The following CACNA2D3 variants were observed in gnomAD, a reference collection of about 807,000 sequenced individuals.
CACNA2D3 encodes the protein calcium voltage-gated channel auxiliary subunit alpha2delta 3.
A neutral mutation model predicts 160.6 loss-of-function variants in CACNA2D3; 60 were observed. The ratio of observed to expected loss-of-function variants is 0.37; its 90% CI spans 0.30 to 0.46. CACNA2D3 has a LOEUF of 0.46. CACNA2D3 is among the 20% of genes least tolerant of loss of function. The pLI, the probability that CACNA2D3 is intolerant of heterozygous loss-of-function variation, is 1.00. For synonymous variants in CACNA2D3, 558 were observed against 492.9 expected (o/e 1.13, Z -1.75); for missense variants, 1,205 against 1,365.0 (o/e 0.88, Z 1.85).
chr3:54,321,296 G>C (rs2107508489), intron 3 of CACNA2D3, among the ~76,000 whole-genome samples: 1 of 150,902 alleles, frequency 6.6e-6, no homozygotes, highest in East Asian at 2.0e-4. Context: ...CTCCAGCCTG[G>C]GTGACAGCGT....
intron 2 of CACNA2D3, among the ~76,000 whole-genome samples, chr3:54,166,404 T>A (rs1700458860): frequency 6.6e-6 from 1 of 152,208 alleles, no homozygotes; most frequent in African/African-American, 2.4e-5. Flanking sequence ...CTTGAAATCC[T>A]ATGAATAAAG....
intron 2 of CACNA2D3, among the ~76,000 whole-genome samples, chr3:54,281,637 G>A (rs572918949): frequency 9.2e-5 from 14 of 152,280 alleles, no homozygotes; most frequent in South Asian, 4.2e-4. Flanking sequence ...CAGTTGGTGC[G>A]GTTATGTTTT....
chr3:54,705,984 C>T (rs550210), intron 11 of CACNA2D3, among the ~76,000 whole-genome samples: 4 of 152,044 alleles, frequency 2.6e-5, no homozygotes, highest in South Asian at 2.1e-4. Context: ...TGATCTGTTC[C>T]GGCTTCTGTG....
At chr3:54,215,552 C>G (rs1701445498) in intron 2 of CACNA2D3, among the ~76,000 whole-genome samples, 1 of 152,112 alleles carries the variant, frequency 6.6e-6, no homozygotes, top group African/African-American at 2.4e-5. Flanking sequence ...CAAGATCTAG[C>G]TTGTCTTTGT....
intron 27 of CACNA2D3, among the ~76,000 whole-genome samples, chr3:54,960,741 A>G (rs1199896882): frequency 1.3e-5 from 2 of 152,162 alleles, no homozygotes; most frequent in Admixed American, 6.5e-5. Context: ...GTTTTGCCCA[A>G]ATTAGTCCCA....
chr3:54,161,699 CTG>C (rs1700347546), intron 2 of CACNA2D3, among the ~76,000 whole-genome samples: 2 of 152,294 alleles, frequency 1.3e-5, no homozygotes, highest in Admixed American at 1.3e-4. Context: ...CTTCACAAAC[CTG>C]TTCAATATCA....
chr3:54,538,076 G>A (rs1038967631), intron 5 of CACNA2D3, among the ~76,000 whole-genome samples: 4 of 152,086 alleles, frequency 2.6e-5, no homozygotes, highest in Non-Finnish European at 5.9e-5. Context: ...AACTCAGGAG[G>A]TGATCTGGGC....
chr3:54,782,833 C>T (rs1374199476), intron 13 of CACNA2D3, among the ~76,000 whole-genome samples: 2 of 152,140 alleles, frequency 1.3e-5, no homozygotes, highest in Non-Finnish European at 2.9e-5. Context: ...ATTGATGATG[C>T]ACTTCTGAAG....
intron 12 of CACNA2D3, among the ~76,000 whole-genome samples, chr3:54,761,967 A>G (rs903478047): frequency 2.0e-5 from 3 of 152,170 alleles, no homozygotes; most frequent in Non-Finnish European, 4.4e-5. Context: ...AAGAGATTCT[A>G]TAAACTCTGG....
chr3:54,802,303 G>A (rs138996112), intron 13 of CACNA2D3, among the ~76,000 whole-genome samples: 1 of 152,086 alleles, frequency 6.6e-6, no homozygotes, highest in Non-Finnish European at 1.5e-5. Flanking sequence ...GGTAGGGAGG[G>A]GAGAAGATTC....
chr3:54,433,363 A>G (rs1184670396), intron 4 of CACNA2D3, among the ~76,000 whole-genome samples: 1 of 152,236 alleles, frequency 6.6e-6, no homozygotes, highest in African/African-American at 2.4e-5. Context: ...AATATTGAAT[A>G]CATGAATGTA....
intron 2 of CACNA2D3, among the ~76,000 whole-genome samples, chr3:54,319,024 C>G (rs1018647200): frequency 7.9e-5 from 12 of 152,128 alleles, no homozygotes; most frequent in Admixed American, 7.2e-4. Context: ...AGAATTCTCT[C>G]TTTACATTCG....
At chr3:54,519,587 A>T (rs1207774924) in intron 5 of CACNA2D3, among the ~76,000 whole-genome samples, 1 of 152,216 alleles carries the variant, frequency 6.6e-6, no homozygotes. Context: ...CGGCAATGAT[A>T]ATATCTTTTC....
chr3:54,266,626 C>G lies in CACNA2D3; in HGVS notation c.205-53816C>G, dbSNP rs1375347643. On this transcript the variant is annotated intron_variant, in intron 2 of 37. Coordinates refer to ENST00000474759, the MANE Select transcript of CACNA2D3 (RefSeq NM_018398.3). ...TATTTGCTGATGAGTGAGCGGGTGA[C>G]TAGATGAATGAATGATTTCAGTAGC... Among the ~76,000 whole-genome samples the G allele has an allele frequency of 2.6e-5, 4 of 152,130 alleles. No individual in the cohort carries two copies. In the East Asian group the frequency reaches 7.7e-4, roughly 29 times the overall value.
chr3:54,763,087 C>A (rs200279282), intron 12 of CACNA2D3, among the ~76,000 whole-genome samples: 193 of 120,562 alleles, frequency 1.6e-3, no homozygotes, highest in East Asian at 3.6e-3. Flanking sequence ...GACTCCATCT[C>A]AAAAAAAAAA....
At chr3:54,359,801 A>G (rs917247532) in intron 3 of CACNA2D3, among the ~76,000 whole-genome samples, 1 of 152,208 alleles carries the variant, frequency 6.6e-6, no homozygotes, top group Non-Finnish European at 1.5e-5. Context: ...CTTTTGTTTG[A>G]TGTAAATCAT....
chr3:54,738,697 T>C (rs144515279), intron 11 of CACNA2D3, among the ~76,000 whole-genome samples: 25 of 152,198 alleles, frequency 1.6e-4, no homozygotes. Context: ...GTTCTGCCTA[T>C]GGGTTTATAG....
At chr3:54,531,674 G>A (rs957005090) in intron 5 of CACNA2D3, among the ~76,000 whole-genome samples, 2 of 152,284 alleles carry the variant, frequency 1.3e-5, no homozygotes, top group East Asian at 1.9e-4. Context: ...GTCCGGGTTC[G>A]GAATGTCGGA....
chr3:55,013,841 A>G (rs2107151060), intron 34 of CACNA2D3, among the ~76,000 whole-genome samples: 1 of 152,290 alleles, frequency 6.6e-6, no homozygotes. Context: ...ATTCAATCCC[A>G]ATTGTCTGCA....
Sources: allele counts gnomAD v4.1 joint callset (sites outside exome capture counted in the v4.1 genomes callset), GRCh38; gene constraint gnomAD v4.1.1; transcripts MANE v1.5; gene names NCBI Gene and HGNC (gene_info 2026-07-23, HGNC 2026-07-21).